HSPA12A: variants seen among roughly 807,000 people sequenced by gnomAD.
HSPA12A encodes the protein heat shock protein family A (Hsp70) member 12A, also known as heat shock 70 kDa protein 12A.
In HSPA12A, 28 loss-of-function variants were observed where a neutral mutation model predicts 69.2. The ratio of observed to expected loss-of-function variants is 0.40; its 90% CI spans 0.30 to 0.55. The LOEUF is 0.55. Ranked by LOEUF, HSPA12A falls within the 20% of genes least tolerant of loss-of-function variation. The pLI, the probability that HSPA12A is intolerant of heterozygous loss-of-function variation, is 0.38. For missense variants in HSPA12A, 686 were observed against 900.7 expected (o/e 0.76, Z 3.05); for synonymous variants, 345 against 370.5 (o/e 0.93, Z 0.79).
At chr10:116,756,009 T>G (rs1313781788) in intron 2 of HSPA12A, among the ~76,000 whole-genome samples, 1 of 151,594 alleles carries the variant, frequency 6.6e-6, no homozygotes, top group Non-Finnish European at 1.5e-5. Flanking sequence ...AAAACAAAAT[T>G]TTACAAGCAG....
Position 116,838,244 on chromosome 10 carries a change from C to T in HSPA12A, c.4-3222G>A, listed in dbSNP as rs546049552. On this transcript the variant is annotated intron_variant, in intron 1 of 12. Coordinates refer to the HSPA12A transcript ENST00000635765. ...CGAGGCTGGAAACAGAAACCCCATT[C>T]GTACAGAGCAACACAGCAAGGCAGG... Among the ~76,000 whole-genome samples, 5 of 149,294 alleles carry T rather than the reference C, an allele frequency of 3.3e-5. No homozygotes were observed. In the South Asian group the frequency reaches 8.9e-4, roughly 27 times the overall value.
At chr10:116,694,238 T>G (rs1849817049) in intron 5 of HSPA12A, among the ~76,000 whole-genome samples, 1 of 152,148 alleles carries the variant, frequency 6.6e-6, no homozygotes, top group African/African-American at 2.4e-5. Context: ...ACCCACTGGG[T>G]GGCTTCATTT....
intron 2 of HSPA12A, chr10:116,833,091 C>T (rs1011205401): frequency 4.6e-5 from 7 of 152,204 alleles, no homozygotes; most frequent in Non-Finnish European, 1.0e-4. Context: ...ACAAACATTG[C>T]TTTTTCCAGT....
chr10:116,709,547 C>T (rs1179024132), intron 1 of HSPA12A, among the ~76,000 whole-genome samples: 7 of 151,590 alleles, frequency 4.6e-5, no homozygotes, highest in African/African-American at 1.7e-4. Flanking sequence ...CTTATACATG[C>T]TATAACATAG....
intron 2 of HSPA12A, among the ~76,000 whole-genome samples, chr10:116,818,760 G>C (rs1422680298): frequency 2.0e-5 from 3 of 152,200 alleles, no homozygotes; most frequent in African/African-American, 2.4e-5. Context: ...GGACATGGGA[G>C]TATGTGATCC....
At chr10:116,716,929 G>GT (rs577319942) in intron 1 of HSPA12A, among the ~76,000 whole-genome samples, 141 of 152,142 alleles carry the variant, frequency 9.3e-4, no homozygotes, top group African/African-American at 3.3e-3. Flanking sequence ...ATATTCATGC[G>GT]TTTTTTTGTT....
chr10:116,740,635 A>G (rs74161319), intron 1 of HSPA12A, among the ~76,000 whole-genome samples: 14,884 of 142,386 alleles, frequency 0.1, 956 homozygotes, highest in South Asian at 0.19. Flanking sequence ...TTCTCCCAGC[A>G]CCGTGTGTGT....
chr10:116,745,373 G>A (rs1851626762), upstream of HSPA12A, among the ~76,000 whole-genome samples: 1 of 152,170 alleles, frequency 6.6e-6, no homozygotes, highest in South Asian at 2.1e-4. Flanking sequence ...CTCCTGGGAG[G>A]TTGCTCTGTA....
intron 1 of HSPA12A, among the ~76,000 whole-genome samples, chr10:116,730,513 T>G (rs2133045957): frequency 6.6e-6 from 1 of 152,362 alleles, no homozygotes; most frequent in East Asian, 1.9e-4. Context: ...GCTAAATGAC[T>G]TGGCTGAGGC....
chr10:116,708,577 G>A (rs184948251), intron 1 of HSPA12A, among the ~76,000 whole-genome samples: 570 of 152,246 alleles, frequency 3.7e-3, no homozygotes, highest in Non-Finnish European at 6.5e-3. Flanking sequence ...CATGCAAGAG[G>A]GAATGTGAAG....
intron 2 of HSPA12A, among the ~76,000 whole-genome samples, chr10:116,765,217 T>A (rs1844051520): frequency 6.6e-6 from 1 of 152,204 alleles, no homozygotes; most frequent in Non-Finnish European, 1.5e-5. Flanking sequence ...TGCCCAGGTT[T>A]TGGTTTCTAA....
chr10:116,733,753 A>G (rs1156678047), intron 1 of HSPA12A, among the ~76,000 whole-genome samples: 1 of 152,192 alleles, frequency 6.6e-6, no homozygotes, highest in Non-Finnish European at 1.5e-5. Context: ...CTGTTATTTG[A>G]GGCTCCACCC....
At chr10:116,746,629 T>C (rs897371110), upstream of HSPA12A, among the ~76,000 whole-genome samples, 1 of 152,142 alleles carries the variant, frequency 6.6e-6, no homozygotes, top group Non-Finnish European at 1.5e-5. Context: ...TTATAAGAGA[T>C]CATATATGTA....
At chr10:116,698,862 C>T (rs1449637790) in intron 4 of HSPA12A, 123 bp from the exon 5 acceptor site, 2 of 724,212 alleles carry the variant, frequency 2.8e-6, no homozygotes, top group South Asian at 1.7e-5. Flanking sequence ...TTCCCCCATG[C>T]TTAAAGAGGC....
intron 2 of HSPA12A, among the ~76,000 whole-genome samples, chr10:116,763,905 G>A (rs1348186176): frequency 6.6e-6 from 1 of 152,186 alleles, no homozygotes; most frequent in Non-Finnish European, 1.5e-5. Flanking sequence ...GAAAGAAAAA[G>A]CATGAGTAAA....
chr10:116,677,566 G>A (rs782666513), intron 10 of HSPA12A, among the ~76,000 whole-genome samples: 3 of 152,188 alleles, frequency 2.0e-5, no homozygotes, highest in Non-Finnish European at 2.9e-5. Context: ...GGGGACTAAC[G>A]GGGCAGAGAA....
At chr10:116,693,628 G>A (rs1849800249) in intron 5 of HSPA12A, among the ~76,000 whole-genome samples, 1 of 152,126 alleles carries the variant, frequency 6.6e-6, no homozygotes, top group African/African-American at 2.4e-5. Context: ...TTAATAGACT[G>A]ATGAAAAAAC....
At chr10:116,848,244 G>T (rs1376111441) in intron 1 of HSPA12A, among the ~76,000 whole-genome samples, 2 of 152,206 alleles carry the variant, frequency 1.3e-5, no homozygotes, top group Non-Finnish European at 2.9e-5. Context: ...GAGAAGGCAG[G>T]TTCATGATGG....
intron 2 of HSPA12A, among the ~76,000 whole-genome samples, chr10:116,808,567 C>A (rs776122381): frequency 2.0e-5 from 3 of 152,136 alleles, no homozygotes; most frequent in Non-Finnish European, 2.9e-5. Context: ...AACTGCGGGA[C>A]CTCAACACAG....
Sources: gnomAD v4.1 joint callset for allele counts (sites outside exome capture counted in the v4.1 genomes callset) on GRCh38, gnomAD v4.1.1 for gene constraint, MANE v1.5 for transcripts, NCBI Gene and HGNC (gene_info 2026-07-23, HGNC 2026-07-21) for gene names.